PIK3C3: variants seen among roughly 807,000 people sequenced by gnomAD.
PIK3C3 encodes the protein PI3-kinase type 3.
In PIK3C3, 95 loss-of-function variants were observed where a neutral mutation model predicts 126.1. The observed-to-expected ratio is 0.75, with a 90% CI of 0.64 to 0.89. The LOEUF is 0.89. PIK3C3 is among the 40% of genes least tolerant of loss of function. The pLI is 0.00. For missense variants in PIK3C3, 829 were observed against 1,063.2 expected, an observed-to-expected ratio of 0.78 and a Z score of 3.06; for synonymous variants, 374 against 360.0, an observed-to-expected ratio of 1.04 and a Z score of -0.44.
chr18:41,959,144 G>A (rs1018478468), intron 2 of PIK3C3, among the ~76,000 whole-genome samples: 2 of 152,068 alleles, frequency 1.3e-5, no homozygotes, highest in African/African-American at 4.8e-5. Flanking sequence ...GATTTTTGAG[G>A]TCACCTATTA....
intron 9 of PIK3C3, among the ~76,000 whole-genome samples, chr18:41,999,410 G>C (rs1172037064): frequency 1.3e-5 from 2 of 152,142 alleles, no homozygotes; most frequent in Non-Finnish European, 2.9e-5. Context: ...AGTTGGAAGA[G>C]TCATGTATAG....
chr18:41,979,823 G>T (rs1981105630), intron 4 of PIK3C3, among the ~76,000 whole-genome samples: 1 of 151,442 alleles, frequency 6.6e-6, no homozygotes, highest in African/African-American at 2.4e-5. Flanking sequence ...ATTTTTCATT[G>T]TTAAAATGTG....
intron 24 of PIK3C3, among the ~76,000 whole-genome samples, chr18:42,069,788 T>C (rs370139139): frequency 2.0e-5 from 3 of 152,198 alleles, no homozygotes; most frequent in Non-Finnish European, 4.4e-5. Context: ...GAGAATGATA[T>C]AATGGAGCTA....
At chr18:42,000,926 C>T (rs1196080623) in intron 9 of PIK3C3, among the ~76,000 whole-genome samples, 4 of 152,086 alleles carry the variant, frequency 2.6e-5, no homozygotes, top group Non-Finnish European at 4.4e-5. Context: ...ACAGCCACAC[C>T]ATATCAGTAA....
intron 1 of PIK3C3, among the ~76,000 whole-genome samples, chr18:41,956,857 T>C (rs920156336): frequency 6.6e-6 from 1 of 152,184 alleles, no homozygotes; most frequent in African/African-American, 2.4e-5. Context: ...ATTTATAAAA[T>C]GAGAATATGG....
At chr18:42,061,000 T>C (rs758406998) in intron 22 of PIK3C3, among the ~76,000 whole-genome samples, 5 of 152,184 alleles carry the variant, frequency 3.3e-5, no homozygotes, top group Non-Finnish European at 5.9e-5. Context: ...GGAAATACAT[T>C]TGAAATACTA....
At chr18:42,023,583 C>T (rs1983424368) in intron 13 of PIK3C3, among the ~76,000 whole-genome samples, 1 of 152,180 alleles carries the variant, frequency 6.6e-6, no homozygotes, top group Non-Finnish European at 1.5e-5. Flanking sequence ...TATTTACAGT[C>T]TGCCTATTAC....
chr18:42,031,629 A>G (rs1983833522), intron 15 of PIK3C3, among the ~76,000 whole-genome samples: 1 of 152,090 alleles, frequency 6.6e-6, no homozygotes, highest in Non-Finnish European at 1.5e-5. Context: ...TCTGTTGGCC[A>G]GGCTGATCTC....
chr18:41,970,601 A>G (rs1321370354), intron 4 of PIK3C3, 145 bp downstream of exon 4: 2 of 766,036 alleles, frequency 2.6e-6, no homozygotes, highest in Non-Finnish European at 2.2e-6. Flanking sequence ...TATAATTCAC[A>G]TACCATAAAG....
chr18:42,061,645 G>A (rs1477275556), intron 22 of PIK3C3, among the ~76,000 whole-genome samples: 1 of 152,124 alleles, frequency 6.6e-6, no homozygotes, highest in Admixed American at 6.5e-5. Context: ...GTCCTATGAA[G>A]TAAACACTTG....
rs138202825 is a variant in PIK3C3 at position 42,018,493 on chromosome 18, G to A, written c.1417-2145G>A. Among the ~76,000 whole-genome samples the A allele has an allele frequency of 1.6e-4, 24 of 152,134 alleles. No homozygotes were observed. In the East Asian group the frequency reaches 3.3e-3, roughly 21 times the overall value. On this transcript the variant is annotated intron_variant, in intron 12 of 24. Coordinates refer to ENST00000262039, the MANE Select transcript of PIK3C3 (RefSeq NM_002647.4). ...ACTCATGGACTCAGCTTTATATAAT[G>A]GCTTCCTGATTGAGGAGTTTTTTAA...
chr18:41,978,874 G>GA (rs1426600909), intron 4 of PIK3C3, among the ~76,000 whole-genome samples: 4 of 151,816 alleles, frequency 2.6e-5, no homozygotes, highest in African/African-American at 4.8e-5. Context: ...CCCCCAGAAA[G>GA]AAAAAATTGG....
intron 21 of PIK3C3, among the ~76,000 whole-genome samples, chr18:42,055,243 G>C (rs1451663785): frequency 6.6e-6 from 1 of 152,070 alleles, no homozygotes; most frequent in East Asian, 1.9e-4. Flanking sequence ...GCTACTATGT[G>C]ATCTCAGCAC....
At chr18:41,977,725 T>G (rs368481067) in intron 4 of PIK3C3, among the ~76,000 whole-genome samples, 3 of 152,226 alleles carry the variant, frequency 2.0e-5, no homozygotes, top group African/African-American at 4.8e-5. Flanking sequence ...CCTCAAGTGA[T>G]CAACCCGCCT....
rs578160656 is a variant in PIK3C3 at position 42,029,570 on chromosome 18, T to C, written c.1707+129T>C. 1.5e-4 allele frequency: 79 copies of C among 532,824 alleles called. No homozygotes were observed. In the African/African-American group the frequency reaches 1.6e-3, roughly 10 times the overall value. 33.0% of individuals were successfully genotyped at this position (532,824 alleles called of 1,614,324 possible). Reference sequence around the variant, plus strand: ...TTTTTTTTTTTTTTTTTTGACAATGTCTCACTCTGTCGCCCAGGTTGGAGT... The same window carrying C: ...TTTTTTTTTTTTTTTTTTGACAATGCCTCACTCTGTCGCCCAGGTTGGAGT... On this transcript the variant is annotated intron_variant, in intron 15 of 24. Transcript: ENST00000262039.
At chr18:41,999,264 T>C (rs1419878720) in intron 9 of PIK3C3, among the ~76,000 whole-genome samples, 2 of 152,238 alleles carry the variant, frequency 1.3e-5, no homozygotes, top group Non-Finnish European at 2.9e-5. Flanking sequence ...ATATGAATAC[T>C]GTAATTTTTC....
At chr18:41,981,559 C>A (rs1288536206) in intron 4 of PIK3C3, among the ~76,000 whole-genome samples, 1 of 152,254 alleles carries the variant, frequency 6.6e-6, no homozygotes, top group African/African-American at 2.4e-5. Context: ...AATACATAGG[C>A]ATATGCAAAG....
Position 42,054,186 on chromosome 18 carries a change from AT to A in PIK3C3, c.2264-3696del, listed in dbSNP as rs1984954327. On this transcript the variant is annotated intron_variant, in intron 21 of 24. Coordinates refer to ENST00000262039, the MANE Select transcript of PIK3C3 (RefSeq NM_002647.4). ...TATATATATATATATATATATATATATATATAAAGGGGAATTTATTAAGTAT... is the reference window on the plus strand; with the variant it reads ...TATATATATATATATATATATATATAATATAAAGGGGAATTTATTAAGTAT... Among the ~76,000 whole-genome samples the A allele has an allele frequency of 7.1e-5, 6 of 84,162 alleles. No individual in the cohort carries two copies. The South Asian group carries it at 1.3e-3, about 19-fold the overall frequency. 55.2% of individuals were successfully genotyped at this position (84,162 alleles called of 152,430 possible).
intron 3 of PIK3C3, among the ~76,000 whole-genome samples, chr18:41,966,775 G>A (rs761483597): frequency 2.0e-5 from 3 of 152,034 alleles, no homozygotes; most frequent in Non-Finnish European, 4.4e-5. Flanking sequence ...AGATATACAC[G>A]GAATATTCAG....
Sources: allele counts gnomAD v4.1 joint callset (sites outside exome capture counted in the v4.1 genomes callset), GRCh38; gene constraint gnomAD v4.1.1; transcripts MANE v1.5; gene names NCBI Gene and HGNC (gene_info 2026-07-23, HGNC 2026-07-21).